KDM2B: variants seen among roughly 807,000 people sequenced by gnomAD.
The protein encoded by KDM2B is lysine-specific demethylase 2B.
KDM2B carries 26 observed loss-of-function variants against 150.0 expected under a neutral mutation model. The ratio of observed to expected loss-of-function variants is 0.17; its 90% CI spans 0.13 to 0.24. KDM2B has a LOEUF of 0.24. Ranked by LOEUF, KDM2B falls within the 10% of genes least tolerant of loss-of-function variation. The pLI is 1.00. For missense variants in KDM2B, 1,265 were observed against 1,816.9 expected (o/e 0.70, Z 5.52); for synonymous variants, 734 against 729.5 (o/e 1.01, Z -0.10).
intron 8 of KDM2B, among the ~76,000 whole-genome samples, chr12:121,530,117 A>G (rs1159247599): frequency 6.7e-6 from 1 of 149,054 alleles, no homozygotes; most frequent in African/African-American, 2.5e-5. Context: ...GGTCCCAGCT[A>G]TTCGGGAAGC....
At chr12:121,566,570 G>A (rs151087913) in intron 4 of KDM2B, among the ~76,000 whole-genome samples, 3,053 of 151,652 alleles carry the variant, frequency 0.02, 101 homozygotes, top group African/African-American at 0.069. Flanking sequence ...GCAGTGAGCC[G>A]AGATCGCGCC....
upstream of KDM2B, among the ~76,000 whole-genome samples, chr12:121,582,030 C>T (rs577566313): frequency 3.8e-4 from 58 of 152,296 alleles, no homozygotes; most frequent in African/African-American, 1.3e-3. Context: ...AATTTGTTTC[C>T]AAACTGAAAT....
chr12:121,494,414 T>C, intron 12 of KDM2B, 165 bp downstream of exon 12: 1 of 572,522 alleles, frequency 1.7e-6, no homozygotes, highest in East Asian at 3.1e-5. Flanking sequence ...CAACCCCCTT[T>C]TAAAAACAAA....
chr12:121,572,940 C>T (rs1891219507), intron 4 of KDM2B, among the ~76,000 whole-genome samples: 1 of 151,716 alleles, frequency 6.6e-6, no homozygotes, highest in Admixed American at 6.6e-5. Context: ...ATTCTCCTGC[C>T]TCAGCCTCCC....
chr12:121,423,342 G>A, the KDM2B span: 2 of 1,503,000 alleles, frequency 1.3e-6, no homozygotes, highest in South Asian at 2.6e-5. This position sits in a 1 kb window ranked among gnomAD's most constrained non-coding sequence, Gnocchi z 4.3. Context: ...CTGGCTGACT[G>A]GCCATGCCTG....
At chr12:121,422,109 T>C in the KDM2B span, among the ~76,000 whole-genome samples, 1 of 152,234 alleles carries the variant, frequency 6.6e-6, no homozygotes, top group Admixed American at 6.5e-5. Flanking sequence ...CTATGTACAG[T>C]GCACAACGAT....
chr12:121,485,761 A>T (rs782664152), intron 12 of KDM2B, among the ~76,000 whole-genome samples: 2 of 151,982 alleles, frequency 1.3e-5, no homozygotes, highest in African/African-American at 4.8e-5. Flanking sequence ...CTACGCAGGT[A>T]AAAATAGTTG....
the KDM2B span, chr12:121,423,874 G>GAA: frequency 5.8e-6 from 2 of 342,368 alleles, no homozygotes; most frequent in Non-Finnish European, 1.1e-5. The surrounding 1 kb of genome is among the most constrained non-coding windows in gnomAD (Gnocchi z 4.3). Context: ...TGCTGTCTTG[G>GAA]GAGGACACTT....
At chr12:121,475,636 G>T (rs1195159408) in intron 12 of KDM2B, among the ~76,000 whole-genome samples, 2 of 151,580 alleles carry the variant, frequency 1.3e-5, no homozygotes, top group Admixed American at 1.3e-4. Context: ...GCTCATGACT[G>T]TAATCCTAGG....
chr12:121,529,985 T>G (rs1358333406), intron 8 of KDM2B, among the ~76,000 whole-genome samples: 2 of 150,710 alleles, frequency 1.3e-5, no homozygotes, highest in African/African-American at 4.9e-5. Flanking sequence ...TCCCAGCACT[T>G]TGGGAGGCCA....
At chr12:121,478,856 TTTTG>T (rs1218251899) in intron 12 of KDM2B, among the ~76,000 whole-genome samples, 5 of 131,022 alleles carry the variant, frequency 3.8e-5, no homozygotes, top group African/African-American at 8.2e-5. Flanking sequence ...ACCGGCTAAT[TTTTG>T]TTTGTTTGTG....
chr12:121,409,089 C>T, the KDM2B span, among the ~76,000 whole-genome samples: 1 of 152,050 alleles, frequency 6.6e-6, no homozygotes, highest in Non-Finnish European at 1.5e-5. Context: ...AAACGATTCT[C>T]CTGCCTCAGC....
chr12:121,568,922 G>A (rs1304295194), intron 4 of KDM2B, among the ~76,000 whole-genome samples: 1 of 148,144 alleles, frequency 6.8e-6, no homozygotes, highest in African/African-American at 2.5e-5. Flanking sequence ...ATGGAGAAAA[G>A]CCCAATTTTA....
In KDM2B at chr12:121,468,683, G is replaced by A. The variant is rs1389840468; in HGVS notation, c.1735-15339C>T. ...CCAGTGAGAACAGAAGGGATGGGCA[G>A]GCTGGTCCTGGCCTGGCCTTTCAAA... On this transcript the variant is annotated intron_variant, in intron 12 of 22. Coordinates refer to ENST00000377071, the MANE Select transcript of KDM2B (RefSeq NM_032590.5). This position sits in a 1 kb window ranked among gnomAD's most constrained non-coding sequence, Gnocchi z 4.0. 3.3e-5 allele frequency: 5 copies of A among 152,272 alleles called. No homozygotes were observed. The highest frequency in any genetic ancestry group is 1.2e-4 in the African/African-American group (5 of 41,466). 9.4% of individuals were successfully genotyped at this position (152,272 alleles called of 1,614,324 possible). A position where few individuals can be genotyped will look rare whatever the true frequency, so the allele number is the denominator to read the frequency against.
chr12:121,486,078 G>A (rs1297006044), intron 12 of KDM2B, among the ~76,000 whole-genome samples: 1 of 148,626 alleles, frequency 6.7e-6, no homozygotes, highest in East Asian at 2.0e-4. Context: ...TGCCCTGCCT[G>A]AAATGGTAAC....
intron 22 of KDM2B, among the ~76,000 whole-genome samples, chr12:121,438,755 T>C (rs10444491): frequency 0.37 from 55,414 of 151,788 alleles, 10,680 homozygotes; most frequent in East Asian, 0.56. Flanking sequence ...ACAACGTGTA[T>C]GTCACCACTG....
intron 22 of KDM2B, among the ~76,000 whole-genome samples, chr12:121,431,899 AGAT>A (rs1322803299): frequency 4.6e-5 from 3 of 64,792 alleles, no homozygotes; most frequent in African/African-American, 1.4e-4. Context: ...TTTTTTTTGG[AGAT>A]GATGGAGTTT....
chr12:121,524,981 C>G (rs574893086), intron 8 of KDM2B, among the ~76,000 whole-genome samples: 1 of 152,216 alleles, frequency 6.6e-6, no homozygotes, highest in African/African-American at 2.4e-5. Flanking sequence ...CCAAAGGCCC[C>G]ACCCACATCT....
chr12:121,566,974 C>T (rs1432512724), intron 4 of KDM2B, among the ~76,000 whole-genome samples: 2 of 151,958 alleles, frequency 1.3e-5, no homozygotes, highest in African/African-American at 4.8e-5. Flanking sequence ...CTCCGCCTCC[C>T]AGGTTCAGGT....
Sources: allele counts gnomAD v4.1 joint callset (sites outside exome capture counted in the v4.1 genomes callset), GRCh38; gene constraint gnomAD v4.1.1; non-coding constraint Gnocchi (gnomAD v3.1); transcripts MANE v1.5; gene names NCBI Gene and HGNC (gene_info 2026-07-23, HGNC 2026-07-21).